The following TET2 variants were observed in gnomAD, a reference collection of about 807,000 sequenced individuals.
TET2 encodes the protein tet methylcytosine dioxygenase 2, also known as methylcytosine dioxygenase TET2.
TET2 carries 299 observed loss-of-function variants against 142.9 expected under a neutral mutation model. The ratio of observed to expected loss-of-function variants is 2.09; its 90% CI spans 1.90 to 2.30. TET2 has a LOEUF of 2.30. TET2 is among the 30% of genes most tolerant of loss of function. The pLI is 0.00. For synonymous variants in TET2, 819 were observed against 849.0 expected (o/e 0.96, Z 0.61); for missense variants, 2,418 against 2,378.0 (o/e 1.02, Z -0.35).
intron 2 of TET2, among the ~76,000 whole-genome samples, chr4:105,204,891 C>G (rs1280134759): frequency 6.6e-6 from 1 of 152,098 alleles, no homozygotes; most frequent in Non-Finnish European, 1.5e-5. Flanking sequence ...AAGGAACCTA[C>G]TCTTAGATTT....
intron 6 of TET2, among the ~76,000 whole-genome samples, chr4:105,254,442 A>C (rs1162021486): frequency 6.6e-6 from 1 of 152,034 alleles, no homozygotes; most frequent in Non-Finnish European, 1.5e-5. Flanking sequence ...ACAGGGTCTC[A>C]CTCTGGTTGC....
At chr4:105,252,214 C>G (rs1346193822) in intron 6 of TET2, among the ~76,000 whole-genome samples, 1 of 152,134 alleles carries the variant, frequency 6.6e-6, no homozygotes, top group African/African-American at 2.4e-5. Flanking sequence ...CCTTAGCAAC[C>G]AATGATCTTT....
Position 105,276,751 on chromosome 4 carries a change from C to A in TET2, c.*232C>A. The stretch of plus-strand genomic sequence containing the variant: ...TAGGAAAAGACCAAAGCATTCTATG[C>A]AAAAAGAAGGTGGGGAAGAAAGTGT... On this transcript the variant is annotated 3_prime_UTR_variant, in exon 11 of 11. Coordinates refer to ENST00000380013, the MANE Select transcript of TET2 (RefSeq NM_001127208.3). 1 of 446,074 alleles carries A rather than the reference C, an allele frequency of 2.2e-6. No individual in the cohort carries two copies. Among genetic ancestry groups the A allele is most frequent in the Non-Finnish European group, 3.9e-6 (1 of 253,536 alleles). The allele number at this position is 446,074 out of a possible 1,614,324, so 27.6% of individuals were successfully genotyped here.
At chr4:105,185,045 T>C (rs1254802034) in intron 1 of TET2, among the ~76,000 whole-genome samples, 1 of 152,210 alleles carries the variant, frequency 6.6e-6, no homozygotes, top group Non-Finnish European at 1.5e-5. Flanking sequence ...GTTTGATCAA[T>C]GGTGGATCTA....
At chr4:105,265,461 G>A (rs1730639949) in intron 8 of TET2, among the ~76,000 whole-genome samples, 1 of 152,204 alleles carries the variant, frequency 6.6e-6, no homozygotes, top group Non-Finnish European at 1.5e-5. Context: ...TGGCATAAGT[G>A]TAATTTCTAG....
At chr4:105,271,339 C>T (rs902474761) in intron 9 of TET2, among the ~76,000 whole-genome samples, 1 of 152,090 alleles carries the variant, frequency 6.6e-6, no homozygotes, top group Non-Finnish European at 1.5e-5. Flanking sequence ...TTCTGAAAAG[C>T]AGAAGTAGTA....
chr4:105,233,998 T>C lies in TET2; in HGVS notation c.56T>C (p.Ile19Thr), dbSNP rs1247584944. ...GGCAACAGACTAAGTCCATTCCTGATACCATCACCTCCCATTTGCCAGACA... is the reference window on the plus strand; with the variant it reads ...GGCAACAGACTAAGTCCATTCCTGACACCATCACCTCCCATTTGCCAGACA... ...VEGNRLSPFL[I>T]PSPPICQTEP... The change falls in exon 3 of 11, where the codon ATA becomes ACA. Residue 19 changes from isoleucine (I) to threonine (T), a missense_variant. Physicochemically the swap from Ile to Thr is moderately conservative, Grantham distance 89. Coordinates refer to ENST00000380013, the MANE Select transcript of TET2 (RefSeq NM_001127208.3). 6.2e-7 allele frequency: 1 copy of C among 1,614,104 alleles called. No homozygotes were observed. Among genetic ancestry groups the C allele is most frequent in the Middle Eastern group, 1.6e-4 (1 of 6,062 alleles).
rs60786079 is a variant in TET2 at position 105,276,593 on chromosome 4, G to A, written c.*74G>A. 0.03 allele frequency: 42,788 copies of A among 1,434,068 alleles called. 743 individuals are homozygous for A. The highest frequency in any genetic ancestry group is 0.049 in the African/African-American group (3,410 of 69,524). 88.8% of individuals were successfully genotyped at this position (1,434,068 alleles called of 1,614,324 possible). A position where few individuals can be genotyped will look rare whatever the true frequency, so the allele number is the denominator to read the frequency against. On this transcript the variant is annotated 3_prime_UTR_variant, in exon 11 of 11. Transcript: ENST00000380013. ...CTGTCAGTAGTATAGTTCTCATGAC[G>A]TGGGCAGTGGGGAAAGGTCACAGTA...
intron 2 of TET2, among the ~76,000 whole-genome samples, chr4:105,207,016 G>A (rs775898284): frequency 1.3e-5 from 2 of 152,068 alleles, no homozygotes; most frequent in East Asian, 1.9e-4. Context: ...TTTCAAATTC[G>A]AGTTGAACTC....
Position 105,237,048 on chromosome 4 carries a change from C to T in TET2, c.3106C>T (p.His1036Tyr), listed in dbSNP as rs1383701111. The change falls in exon 3 of 11, where the codon CAC becomes TAC. Residue 1036 changes from histidine (H) to tyrosine (Y), a missense_variant. Transcript: ENST00000380013. ...ETMEQHLKQF[H>Y]AKSLFDHKAL... ...CATGGAGCAGCATCTGAAGCAGTTT[C>T]ACGCCAAGTCGTTATTTGACCATAA... The T allele has an allele frequency of 1.2e-6, 2 of 1,614,154 alleles. No homozygotes were observed. The highest frequency in any genetic ancestry group is 4.5e-5 in the East Asian group (2 of 44,864).
chr4:105,149,768 A>G (rs1723211796), intron 1 of TET2, among the ~76,000 whole-genome samples: 1 of 152,346 alleles, frequency 6.6e-6, no homozygotes, highest in Non-Finnish European at 1.5e-5. Context: ...TAAGGCTTTA[A>G]TTAGGTCTGA....
chr4:105,168,796 C>T (rs1724297907), intron 1 of TET2, among the ~76,000 whole-genome samples: 1 of 152,134 alleles, frequency 6.6e-6, no homozygotes, highest in Non-Finnish European at 1.5e-5. Context: ...GCCTTTGCAT[C>T]CTCATAGCGT....
Position 105,193,517 on chromosome 4 carries a change from A to G in TET2, c.-47+3012A>G, listed in dbSNP as rs190479878. ...TCATTATTTTTACAAATTTAAACAA[A>G]TAAGGAAATGGAGGCAGTAGTTGGA... On this transcript the variant is annotated intron_variant, in intron 2 of 10. Coordinates refer to ENST00000380013, the MANE Select transcript of TET2 (RefSeq NM_001127208.3). 4.6e-5 allele frequency among the ~76,000 whole-genome samples: 7 copies of G among 152,294 alleles called. No individual in the cohort carries two copies. In the East Asian group the frequency reaches 1.2e-3, roughly 25 times the overall value.
chr4:105,154,027 G>T (rs146122225), intron 1 of TET2, among the ~76,000 whole-genome samples: 85 of 152,308 alleles, frequency 5.6e-4, no homozygotes, highest in African/African-American at 1.8e-3. Context: ...GAATCTGAGA[G>T]GCACAAGAAA....
chr4:105,211,095 C>T (rs1727132704), intron 2 of TET2, among the ~76,000 whole-genome samples: 1 of 152,198 alleles, frequency 6.6e-6, no homozygotes, highest in South Asian at 2.1e-4. Context: ...TTCTCCTCAG[C>T]TATATCATGC....
rs1469293606 is a variant in TET2 at position 105,275,269 on chromosome 4, G to T, written c.4759G>T (p.Asp1587Tyr). 6.4e-7 allele frequency: 1 copy of T among 1,552,248 alleles called. No individual in the cohort carries two copies. The highest frequency in any genetic ancestry group is 8.7e-7 in the Non-Finnish European group (1 of 1,147,096). ...TTATCCAAACTCTTCACACACTTCA[G>T]ATATCTATGGAAGCACCAGCCCTAT... ...SPYPNSSHTS[D>Y]IYGSTSPMNF... The change falls in exon 11 of 11, where the codon GAT becomes TAT. Residue 1587 changes from aspartate to tyrosine, a missense_variant. Transcript: ENST00000380013.
intron 10 of TET2, among the ~76,000 whole-genome samples, chr4:105,274,302 T>A (rs942524393): frequency 6.6e-6 from 1 of 152,224 alleles, no homozygotes; most frequent in African/African-American, 2.4e-5. Flanking sequence ...AGTATGACTT[T>A]TAAAAGTTTC....
At chr4:105,221,708 T>A (rs923295519) in intron 2 of TET2, among the ~76,000 whole-genome samples, 1 of 151,968 alleles carries the variant, frequency 6.6e-6, no homozygotes, top group African/African-American at 2.4e-5. Context: ...TCTTTTTTTT[T>A]ATTTTTTATT....
intron 2 of TET2, among the ~76,000 whole-genome samples, chr4:105,224,790 T>C (rs1376292144): frequency 6.6e-6 from 1 of 150,388 alleles, no homozygotes; most frequent in Non-Finnish European, 1.5e-5. Context: ...GGCCATATAA[T>C]TGTTGCATGT....
Sources: gnomAD v4.1 joint callset for allele counts (sites outside exome capture counted in the v4.1 genomes callset) on GRCh38, gnomAD v4.1.1 for gene constraint, MANE v1.5 for transcripts, NCBI Gene and HGNC (gene_info 2026-07-23, HGNC 2026-07-21) for gene names.